The following RAI1 variants were observed in gnomAD, a reference collection of about 807,000 sequenced individuals.
RAI1 encodes the protein retinoic acid-induced protein 1.
RAI1 carries 9 observed loss-of-function variants against 123.8 expected under a neutral mutation model. The observed-to-expected ratio is 0.07, with a 90% confidence interval of 0.04 to 0.13. The LOEUF (loss-of-function observed/expected upper bound fraction) is 0.13, where lower values mean the gene tolerates loss of function less well. RAI1 is among the 10% of genes least tolerant of loss of function. The pLI is 1.00. For synonymous variants in RAI1, 1,231 were observed against 1,127.3 expected, an observed-to-expected ratio of 1.09 and a Z score of -1.84; for missense variants, 2,256 against 2,545.8, an observed-to-expected ratio of 0.89 and a Z score of 2.45.
chr17:17,791,851 G>A (rs1883752), intron 2 of RAI1, among the ~76,000 whole-genome samples: 1 of 152,064 alleles, frequency 6.6e-6, no homozygotes, highest in Non-Finnish European at 1.5e-5. Context: ...AGAGGCTCCC[G>A]CAACCCACCC....
At chr17:17,736,167 G>C (rs913101214) in intron 2 of RAI1, among the ~76,000 whole-genome samples, 5 of 152,292 alleles carry the variant, frequency 3.3e-5, no homozygotes, top group Non-Finnish European at 7.4e-5. Context: ...GTGAGTATGT[G>C]CACTTGGGCC....
chr17:17,735,353 CTTTTTTTTTT>C (rs554442849), intron 2 of RAI1, among the ~76,000 whole-genome samples: 2 of 132,434 alleles, frequency 1.5e-5, no homozygotes, highest in East Asian at 4.3e-4. Context: ...AATGCCCAGC[CTTTTTTTTTT>C]TTTTTTTGAG....
intron 2 of RAI1, among the ~76,000 whole-genome samples, chr17:17,770,991 G>C (rs1405043743): frequency 6.6e-6 from 1 of 152,158 alleles, no homozygotes; most frequent in Admixed American, 6.5e-5. Context: ...ATTCCTGGGG[G>C]TGTCTGGGAG....
At position 17,685,164 on chromosome 17, in the gene RAI1, G is replaced by C. The variant is rs756794186; in HGVS notation, c.-149+3371G>C. 6.6e-6 allele frequency: 1 copy of C among 152,234 alleles called. No individual in the cohort carries two copies. Among genetic ancestry groups the C allele is most frequent in the Non-Finnish European group, 1.5e-5 (1 of 68,040 alleles). The allele number at this position is 152,234 out of a possible 1,614,324, so 9.4% of individuals were successfully genotyped here. A position where few individuals can be genotyped will look rare whatever the true frequency, so the allele number is the denominator to read the frequency against. On this transcript the variant is annotated intron_variant, in intron 1 of 5. Coordinates refer to ENST00000353383, the MANE Select transcript of RAI1 (RefSeq NM_030665.4). The surrounding 1 kb of genome is among the most constrained non-coding windows in gnomAD (Gnocchi z 4.0). The stretch of plus-strand genomic sequence containing the variant: ...GTGTCTTTTTCCTCCCCTATCCAAC[G>C]TGTGGCTCCACAGGGAGGGAGGAGG...
rs771526392 is a variant in RAI1 at position 17,798,026 on chromosome 17, C to T, written c.5078C>T (p.Pro1693Leu). The change falls in exon 3 of 6, where the codon CCG becomes CTG. Residue 1693 changes from proline (P) to leucine (L), a missense_variant. By Grantham distance (98) the Pro-to-Leu change is moderately conservative (BLOSUM62 -3). This residue lies in a region of RAI1 where 243 missense variants were observed against 316.6 expected (regional missense o/e 0.77). Transcript: ENST00000353383. The part of the protein sequence containing the change: ...SCLVCCLCQN[P>L]ANFKDLGDLC... ...CTTGTTTGCTGCCTCTGCCAAAACC[C>T]GGCCAACTTCAAGGACCTTGGGGAC... The T allele has an allele frequency of 1.2e-6, 2 of 1,614,124 alleles. No individual in the cohort carries two copies. The highest frequency in any genetic ancestry group is 1.7e-6 in the Non-Finnish European group (2 of 1,180,032).
chr17:17,793,737 C>A lies in RAI1; in HGVS notation c.789C>A (p.Val263=), dbSNP rs987713163. The A allele has an allele frequency of 6.2e-7, 1 of 1,612,730 alleles. No homozygotes were observed. The highest frequency in any genetic ancestry group is 1.3e-5 in the African/African-American group (1 of 74,866). ...ASSSLAPGQR[V]QNLHAYQSGR... ...CCAGCCTGGCCCCGGGGCAGCGGGT[C>A]CAGAATCTTCATGCCTACCAGTCGG... The change falls in exon 3 of 6, where the codon GTC becomes GTA. Residue 263 remains valine, a synonymous_variant. Coordinates refer to ENST00000353383, the MANE Select transcript of RAI1 (RefSeq NM_030665.4).
intron 1 of RAI1, among the ~76,000 whole-genome samples, chr17:17,682,859 GCGGGCCTCGGGCTCTGAAT>G (rs1255034590): frequency 1.3e-5 from 2 of 152,136 alleles, no homozygotes; most frequent in African/African-American, 2.4e-5. Flanking sequence ...CGGGGGCGCG[GCGGGCCTCGGGCTCTGAAT>G]GGATGGGAGC....
At chr17:17,768,604 G>A (rs531296129) in intron 2 of RAI1, among the ~76,000 whole-genome samples, 2 of 152,360 alleles carry the variant, frequency 1.3e-5, no homozygotes, top group East Asian at 3.9e-4. Context: ...TCAGGGCGAC[G>A]GTGTGTCTGT....
intron 2 of RAI1, among the ~76,000 whole-genome samples, chr17:17,741,082 AGC>A (rs66765962): frequency 0.31 from 46,052 of 149,826 alleles, 8,129 homozygotes; most frequent in Middle Eastern, 0.44. Flanking sequence ...ATTCAGCACA[AGC>A]GCGCGCGCAC....
In RAI1 at chr17:17,796,122, T is replaced by A; in HGVS notation, c.3174T>A (p.Arg1058=). 6.3e-7 allele frequency: 1 copy of A among 1,584,644 alleles called. No individual in the cohort carries two copies. Among genetic ancestry groups the A allele is most frequent in the Non-Finnish European group, 8.6e-7 (1 of 1,165,018 alleles). The change falls in exon 3 of 6, where the codon CGT becomes CGA. Residue 1058 remains arginine (R), a synonymous_variant. Transcript: ENST00000353383. This position sits in a 1 kb window ranked among gnomAD's most constrained non-coding sequence, Gnocchi z 5.8. ...AAGGGCTCCCCAGGATGTGTACTCG[T>A]TCTCTCACGGCCCTGAGTGAGCCCC... is the stretch of plus-strand genomic sequence containing the variant. ...ASEGLPRMCT[R]SLTALSEPRT...
At chr17:17,805,304 ACGG>A in intron 4 of RAI1, among the ~76,000 whole-genome samples, 1 of 152,050 alleles carries the variant, frequency 6.6e-6, no homozygotes, top group African/African-American at 2.4e-5. Flanking sequence ...CACTACCCAC[ACGG>A]TGCTGCCTCA....
chr17:17,746,301 G>A (rs764847659), intron 2 of RAI1, among the ~76,000 whole-genome samples: 10 of 152,240 alleles, frequency 6.6e-5, no homozygotes, highest in South Asian at 2.1e-4. Context: ...ATGCGCTTCC[G>A]TGCCGCAGCC....
rs571872615 is a variant in RAI1 at position 17,796,457 on chromosome 17, A to G, written c.3509A>G (p.Asn1170Ser). Residue 1170 changes from asparagine to serine, a missense_variant, in exon 3 of 6, where the codon AAC (asparagine) becomes AGC (serine). By Grantham distance (46) the Asn-to-Ser change is conservative (BLOSUM62 1). This residue lies in a region of RAI1 where 322 missense variants were observed against 358.0 expected (regional missense o/e 0.90). Transcript: ENST00000353383. The surrounding 1 kb of genome is among the most constrained non-coding windows in gnomAD (Gnocchi z 5.8). ...RRRPSEGRLP[N>S]CRATKKLLDN... ...AGGCCCTCTGAGGGCCGGCTCCCCA[A>G]CTGCCGTGCCACCAAGAAGCTCCTC... The G allele has an allele frequency of 1.6e-5, 26 of 1,612,652 alleles. No individual in the cohort carries two copies. Among genetic ancestry groups the G allele is most frequent in the South Asian group, 4.4e-5 (4 of 91,074 alleles).
At chr17:17,772,773 T>TA (rs377549826) in intron 2 of RAI1, among the ~76,000 whole-genome samples, 349 of 152,302 alleles carry the variant, frequency 2.3e-3, no homozygotes, top group African/African-American at 7.5e-3. Flanking sequence ...CGCTGGCACT[T>TA]ACTTGCCTTC....
At chr17:17,705,015 T>C (rs1269878287) in intron 1 of RAI1, among the ~76,000 whole-genome samples, 1 of 152,162 alleles carries the variant, frequency 6.6e-6, no homozygotes, top group Non-Finnish European at 1.5e-5. Context: ...TGGCAACTGC[T>C]CAGTGAGAGG....
intron 1 of RAI1, among the ~76,000 whole-genome samples, chr17:17,687,061 G>A (rs1319188917): frequency 6.6e-6 from 1 of 152,068 alleles, no homozygotes; most frequent in Non-Finnish European, 1.5e-5. Flanking sequence ...TCAGCTCACT[G>A]CAACCTCTGC....
chr17:17,706,360 G>T lies in RAI1; in HGVS notation c.-148-17668G>T, dbSNP rs373982820. On this transcript the variant is annotated intron_variant, in intron 1 of 5. Coordinates refer to ENST00000353383, the MANE Select transcript of RAI1 (RefSeq NM_030665.4). ...GGGACTTTGGTCCCTGGGTCATGGG[G>T]TGTGCAGTGCTCTGCACTGAATGAT... 1.8e-4 allele frequency among the ~76,000 whole-genome samples: 28 copies of T among 152,344 alleles called. No individual in the cohort carries two copies. The East Asian group carries it at 5.2e-3, about 28-fold the overall frequency.
intron 2 of RAI1, among the ~76,000 whole-genome samples, chr17:17,771,513 C>T (rs2031157313): frequency 6.6e-6 from 1 of 152,168 alleles, no homozygotes; most frequent in Non-Finnish European, 1.5e-5. Context: ...GTGCATCAAC[C>T]TGGGGTGCAT....
chr17:17,781,519 C>T (rs1351471157), intron 2 of RAI1, among the ~76,000 whole-genome samples: 1 of 152,160 alleles, frequency 6.6e-6, no homozygotes, highest in Non-Finnish European at 1.5e-5. Flanking sequence ...CGGCCTCATT[C>T]CCTGACTGGG....
Sources: gnomAD v4.1 joint callset for allele counts (sites outside exome capture counted in the v4.1 genomes callset) on GRCh38, gnomAD v4.1.1 for gene constraint, gnomAD v4.1.1 regional missense constraint, Gnocchi (gnomAD v3.1) non-coding constraint, MANE v1.5 for transcripts, NCBI Gene and HGNC (gene_info 2026-07-23, HGNC 2026-07-21) for gene names.